Variants in PCDH11X observed in about 807,000 individuals in gnomAD.
PCDH11X encodes protocadherin 11 X-linked.
In PCDH11X, 18 loss-of-function variants were observed where a neutral mutation model predicts 53.3. That is an observed-to-expected ratio of 0.34 (90% CI 0.23 to 0.50). The LOEUF (loss-of-function observed/expected upper bound fraction) is 0.50, where lower values mean the gene tolerates loss of function less well. PCDH11X is among the 20% of genes least tolerant of loss of function. The probability of loss-of-function intolerance (pLI) is 0.98; values close to 1 mark genes in which losing one functional copy is unlikely to be tolerated. For missense variants in PCDH11X, 570 were observed against 1,032.4 expected, an observed-to-expected ratio of 0.55 and a Z score of 6.14; for synonymous variants, 279 against 393.3, an observed-to-expected ratio of 0.71 and a Z score of 3.44.
intron 6 of PCDH11X, among the ~76,000 whole-genome samples, chrX:91,898,325 A>T (rs1157924553): frequency 2.8e-5 from 3 of 108,560 alleles, no homozygotes; most frequent in Non-Finnish European, 3.8e-5. Flanking sequence ...GCTATCTCAG[A>T]TCAACAGTCT....
intron 10 of PCDH11X, among the ~76,000 whole-genome samples, chrX:92,540,846 C>A (rs1007642298): frequency 1.7e-4 from 18 of 108,148 alleles, no homozygotes; most frequent in African/African-American, 6.1e-4. Flanking sequence ...CTAGATATGT[C>A]ATCTGTGAGC....
intron 10 of PCDH11X, among the ~76,000 whole-genome samples, chrX:92,527,537 C>A (rs1333838138): frequency 9.0e-6 from 1 of 110,886 alleles, no homozygotes; most frequent in African/African-American, 3.3e-5. Context: ...ATTAACATAT[C>A]TTTAGAAAGG....
At chrX:92,039,227 T>A (rs758777466) in intron 6 of PCDH11X, among the ~76,000 whole-genome samples, 2 of 110,859 alleles carry the variant, frequency 1.8e-5, no homozygotes, top group African/African-American at 6.5e-5. Context: ...CTCCTTTCTA[T>A]GTTAACTCAA....
chrX:92,273,152 C>G (rs1027824788), intron 8 of PCDH11X, among the ~76,000 whole-genome samples: 41 of 111,616 alleles, frequency 3.7e-4, no homozygotes, highest in African/African-American at 1.2e-3. Context: ...TTTATTTCAC[C>G]TGGGTGCAGG....
At chrX:91,839,625 T>TA in intron 5 of PCDH11X, among the ~76,000 whole-genome samples, 1 of 109,232 alleles carries the variant, frequency 9.2e-6, no homozygotes, top group African/African-American at 3.3e-5. Context: ...TAAATAAAAT[T>TA]AAAAAAATTA....
intron 6 of PCDH11X, among the ~76,000 whole-genome samples, chrX:92,092,567 G>A (rs1264357164): frequency 9.0e-6 from 1 of 111,235 alleles, no homozygotes; most frequent in Non-Finnish European, 1.9e-5. Context: ...ACAACTCGAA[G>A]CAAAAGCAGG....
At chrX:91,839,642 GA>G (rs1172011483) in intron 5 of PCDH11X, among the ~76,000 whole-genome samples, 1 of 109,339 alleles carries the variant, frequency 9.1e-6, no homozygotes, top group Non-Finnish European at 1.9e-5. Context: ...ATTAAAAAGG[GA>G]AAAAGTGGGG....
intron 6 of PCDH11X, among the ~76,000 whole-genome samples, chrX:92,095,295 T>G (rs1192088875): frequency 9.0e-6 from 1 of 111,427 alleles, no homozygotes; most frequent in African/African-American, 3.3e-5. Context: ...TTGTGACATT[T>G]TGTACCACAT....
chrX:91,783,329 C>G (rs1026928188), intron 1 of PCDH11X, among the ~76,000 whole-genome samples: 1 of 111,491 alleles, frequency 9.0e-6, no homozygotes, highest in Non-Finnish European at 1.9e-5. Flanking sequence ...CACCCCCACT[C>G]CCTGCCCCTT....
intron 6 of PCDH11X, among the ~76,000 whole-genome samples, chrX:92,159,618 A>T (rs2065601355): frequency 2.3e-5 from 1 of 42,953 alleles, no homozygotes; most frequent in Admixed American, 2.0e-4. Flanking sequence ...ATTGGGATTA[A>T]AAAAAAAAAG....
At chrX:92,459,847 G>A (rs1048398868) in intron 9 of PCDH11X, 5 of 1,123,357 alleles carry the variant, frequency 4.5e-6, no homozygotes, top group Non-Finnish European at 6.0e-6. Context: ...CATGGGGCCT[G>A]GGGGCCTGGC....
Position 91,853,961 on chromosome X carries a change from G to A in PCDH11X, c.540+17917G>A, listed in dbSNP as rs191287562. On this transcript the variant is annotated intron_variant, in intron 5 of 10. Transcript: ENST00000682573. ...GACATGCAATTGTCATGATCACATC[G>A]TGGTAAATGGGACATCCATTCCCTC... 8.2e-5 allele frequency among the ~76,000 whole-genome samples: 9 copies of A among 110,301 alleles called. No individual in the cohort carries two copies. In the South Asian group the frequency reaches 2.7e-3, roughly 33 times the overall value.
chrX:92,538,827 T>C (rs1208587681), intron 10 of PCDH11X, among the ~76,000 whole-genome samples: 4 of 104,517 alleles, frequency 3.8e-5, no homozygotes, highest in Non-Finnish European at 5.9e-5. Context: ...TACAGTGTTA[T>C]AATATTCTGT....
At chrX:91,937,870 C>T (rs1367142084) in intron 6 of PCDH11X, among the ~76,000 whole-genome samples, 3 of 111,037 alleles carry the variant, frequency 2.7e-5, no homozygotes, top group Non-Finnish European at 5.7e-5. Flanking sequence ...ATTAAATTCA[C>T]TATGTGTGCC....
chrX:92,174,592 T>G (rs2065875797), intron 6 of PCDH11X, among the ~76,000 whole-genome samples: 1 of 111,899 alleles, frequency 8.9e-6, no homozygotes, highest in Admixed American at 9.5e-5. Context: ...TTGAGAAGAT[T>G]GCATGCTGAA....
intron 6 of PCDH11X, among the ~76,000 whole-genome samples, chrX:91,946,599 A>ATAT (rs58031232): frequency 1.2e-4 from 9 of 76,091 alleles, no homozygotes; most frequent in African/African-American, 2.6e-4. Flanking sequence ...ATATATATAT[A>ATAT]GCTATTTAAA....
chrX:92,464,791 C>T (rs1313637447), intron 9 of PCDH11X, among the ~76,000 whole-genome samples: 1 of 107,380 alleles, frequency 9.3e-6, no homozygotes, highest in African/African-American at 3.4e-5. Context: ...AGAATTGAAT[C>T]TTTTTTGCAT....
chrX:91,847,505 C>A (rs112180418), intron 5 of PCDH11X, among the ~76,000 whole-genome samples: 6,569 of 110,309 alleles, frequency 0.06, 504 homozygotes, highest in African/African-American at 0.21. Flanking sequence ...ATTTAAAACC[C>A]CAAATTTCTA....
At chrX:92,295,742 TG>T (rs2068592790) in intron 8 of PCDH11X, among the ~76,000 whole-genome samples, 1 of 8,532 alleles carries the variant, frequency 1.2e-4, no homozygotes, top group Non-Finnish European at 2.4e-4. Flanking sequence ...GGTGTGTTTG[TG>T]TGTGTGTGTG....
Sources: gnomAD v4.1 joint callset for allele counts (sites outside exome capture counted in the v4.1 genomes callset) on GRCh38, gnomAD v4.1.1 for gene constraint, MANE v1.5 for transcripts, NCBI Gene and HGNC (gene_info 2026-07-23, HGNC 2026-07-21) for gene names.